The following NWD2 variants were observed in gnomAD, a reference collection of about 807,000 sequenced individuals.
NWD2 encodes the protein NACHT and WD repeat domain containing 2.
Under a neutral mutation model 132.7 loss-of-function variants are expected in NWD2, and 37 were observed. The ratio of observed to expected loss-of-function variants is 0.28; its 90% CI spans 0.21 to 0.37. The LOEUF (loss-of-function observed/expected upper bound fraction) is 0.37, where lower values mean the gene tolerates loss of function less well. Ranked by LOEUF, NWD2 falls within the 10% of genes least tolerant of loss-of-function variation. The pLI, the probability that NWD2 is intolerant of heterozygous loss-of-function variation, is 1.00. For synonymous variants in NWD2, 705 were observed against 803.0 expected (o/e 0.88, Z 2.06); for missense variants, 1,592 against 2,122.4 (o/e 0.75, Z 4.91).
intron 3 of NWD2, among the ~76,000 whole-genome samples, chr4:37,430,236 T>A (rs2109325943): frequency 6.6e-6 from 1 of 152,354 alleles, no homozygotes; most frequent in Middle Eastern, 3.4e-3. Context: ...GTCTAGCACA[T>A]CATTTTTCTT....
At chr4:37,351,421 T>C (rs1719760212) in intron 2 of NWD2, among the ~76,000 whole-genome samples, 1 of 152,194 alleles carries the variant, frequency 6.6e-6, no homozygotes, top group African/African-American at 2.4e-5. Flanking sequence ...GCTGTATGTG[T>C]CCAGGAATTT....
intron 1 of NWD2, among the ~76,000 whole-genome samples, chr4:37,312,977 C>T (rs1560392052): frequency 6.6e-6 from 1 of 151,032 alleles, no homozygotes; most frequent in Non-Finnish European, 1.5e-5. Context: ...AGGGATGAAG[C>T]CCACTTGATC....
At chr4:37,374,225 G>C (rs139351703) in intron 3 of NWD2, among the ~76,000 whole-genome samples, 1 of 152,216 alleles carries the variant, frequency 6.6e-6, no homozygotes, top group African/African-American at 2.4e-5. Context: ...CTCCTCCTCT[G>C]TTGCTCCCTC....
chr4:37,418,448 CATA>C (rs1385137715), intron 3 of NWD2, among the ~76,000 whole-genome samples: 2 of 151,972 alleles, frequency 1.3e-5, no homozygotes, highest in Admixed American at 1.3e-4. Context: ...GTGGGCTACA[CATA>C]ATGATTTCCT....
chr4:37,366,460 A>G (rs1256861471), intron 3 of NWD2, among the ~76,000 whole-genome samples: 1 of 152,188 alleles, frequency 6.6e-6, no homozygotes, highest in Non-Finnish European at 1.5e-5. Flanking sequence ...CATGCAAGGA[A>G]TCAAGAAACT....
chr4:37,334,561 C>T lies in NWD2; in HGVS notation c.240+8537C>T, dbSNP rs561931366. Among the ~76,000 whole-genome samples the T allele has an allele frequency of 7.6e-4, 115 of 152,268 alleles. 3 individuals carry two copies. The Middle Eastern group carries it at 0.017, about 23-fold the overall frequency. On this transcript the variant is annotated intron_variant, in intron 2 of 6. Transcript: ENST00000309447. ...CCTAGCTTTCCCAAGACATCTTTTC[C>T]GATTTCTAAATAATCTCCCCCTCTA...
chr4:37,305,502 C>T (rs948078882), intron 1 of NWD2, among the ~76,000 whole-genome samples: 7 of 152,176 alleles, frequency 4.6e-5, no homozygotes, highest in African/African-American at 7.2e-5. Context: ...AAAATCTCTT[C>T]GTTGAAGTAC....
At chr4:37,405,297 C>T (rs563997749) in intron 3 of NWD2, among the ~76,000 whole-genome samples, 4 of 152,178 alleles carry the variant, frequency 2.6e-5, no homozygotes, top group African/African-American at 7.2e-5. Flanking sequence ...GACTCTAAAA[C>T]CATGTAAGGG....
chr4:37,425,126 C>T (rs986269213), intron 3 of NWD2, among the ~76,000 whole-genome samples: 3 of 152,056 alleles, frequency 2.0e-5, no homozygotes, highest in African/African-American at 7.2e-5. Context: ...CTAAAGAGCT[C>T]AATAGTTCAG....
At chr4:37,356,531 A>C in intron 3 of NWD2, 49 bp downstream of exon 3, 2 of 1,167,554 alleles carry the variant, frequency 1.7e-6, no homozygotes, top group Non-Finnish European at 2.5e-6. Flanking sequence ...GATGAATGTG[A>C]GAATTATTGC....
At chr4:37,380,443 C>A (rs1054147264) in intron 3 of NWD2, among the ~76,000 whole-genome samples, 3 of 152,108 alleles carry the variant, frequency 2.0e-5, no homozygotes, top group African/African-American at 4.8e-5. Context: ...TGTTTTTCTC[C>A]CTCTAGGCTT....
At chr4:37,248,845 C>T (rs751747183) in intron 1 of NWD2, among the ~76,000 whole-genome samples, 1 of 152,178 alleles carries the variant, frequency 6.6e-6, no homozygotes, top group Non-Finnish European at 1.5e-5. Context: ...GTCCACAATC[C>T]ATTATCTGTG....
At chr4:37,300,274 T>A (rs910009302) in intron 1 of NWD2, among the ~76,000 whole-genome samples, 1 of 152,194 alleles carries the variant, frequency 6.6e-6, no homozygotes, top group Non-Finnish European at 1.5e-5. Context: ...AGGGCAGGAC[T>A]GTGCCTTGTG....
At position 37,446,176 on chromosome 4, in the gene NWD2, C is replaced by A; in HGVS notation, c.4188C>A (p.Asn1396Lys). The change falls in exon 7 of 7, where the codon AAC becomes AAA. Residue 1396 changes from asparagine (N) to lysine (K), a missense_variant. Coordinates refer to ENST00000309447, the MANE Select transcript of NWD2 (RefSeq NM_001144990.2). This position sits in a 1 kb window ranked among gnomAD's most constrained non-coding sequence, Gnocchi z 6.7. ...TSSGENLFRI[N>K]GQRISQLLIT... ...GTGGTGAAAACCTTTTTCGAATTAA[C>A]GGGCAGAGAATATCTCAGCTGCTGA... 6 of 1,551,646 alleles carry A rather than the reference C, an allele frequency of 3.9e-6. 1 individual carries two copies. The South Asian group carries it at 7.1e-5, about 18-fold the overall frequency.
intron 2 of NWD2, among the ~76,000 whole-genome samples, chr4:37,336,416 G>A (rs1719406730): frequency 1.3e-5 from 2 of 152,134 alleles, no homozygotes; most frequent in South Asian, 4.1e-4. Flanking sequence ...TCAGGTGCTT[G>A]ACCAGCTGCA....
chr4:37,295,784 T>C (rs904501077), intron 1 of NWD2, among the ~76,000 whole-genome samples: 2 of 152,160 alleles, frequency 1.3e-5, no homozygotes, highest in Non-Finnish European at 2.9e-5. Context: ...TCAGGACAAG[T>C]CCCTTATCCA....
chr4:37,433,502 AC>A (rs1180870848), intron 4 of NWD2, among the ~76,000 whole-genome samples: 2 of 152,230 alleles, frequency 1.3e-5, no homozygotes, highest in African/African-American at 4.8e-5. Context: ...TGAAGTTAAA[AC>A]AAATAAAGAC....
intron 3 of NWD2, among the ~76,000 whole-genome samples, chr4:37,368,649 G>A (rs1206842507): frequency 6.6e-6 from 1 of 152,160 alleles, no homozygotes; most frequent in Non-Finnish European, 1.5e-5. Flanking sequence ...ACTAAGAGCT[G>A]GAAGGACTAA....
chr4:37,256,945 C>T (rs1009930664), intron 1 of NWD2, among the ~76,000 whole-genome samples: 1 of 152,130 alleles, frequency 6.6e-6, no homozygotes, highest in Non-Finnish European at 1.5e-5. Flanking sequence ...TATGACTTCT[C>T]CCCTTGAATC....
Sources: gnomAD v4.1 joint callset for allele counts (sites outside exome capture counted in the v4.1 genomes callset) on GRCh38, gnomAD v4.1.1 for gene constraint, Gnocchi (gnomAD v3.1) non-coding constraint, MANE v1.5 for transcripts, NCBI Gene and HGNC (gene_info 2026-07-23, HGNC 2026-07-21) for gene names.